Variants in RRBP1 observed in about 807,000 individuals in gnomAD.
RRBP1 encodes ribosome-binding protein 1.
RRBP1 carries 94 observed loss-of-function variants against 165.2 expected under a neutral mutation model. The observed-to-expected ratio is 0.57, with a 90% confidence interval of 0.48 to 0.68. RRBP1 has a LOEUF of 0.68. Among genes scored for constraint, RRBP1 ranks in the 30% least tolerant of loss-of-function variants. RRBP1 has a pLI of 0.00. For synonymous variants in RRBP1, 680 were observed against 714.5 expected, an observed-to-expected ratio of 0.95 and a Z score of 0.77; for missense variants, 1,676 against 1,763.0, an observed-to-expected ratio of 0.95 and a Z score of 0.88.
At chr20:17,661,528 T>C (rs2122458089) in intron 2 of RRBP1, among the ~76,000 whole-genome samples, 1 of 152,344 alleles carries the variant, frequency 6.6e-6, no homozygotes, top group East Asian at 1.9e-4. Flanking sequence ...GCATCCAGGT[T>C]CATACACCTT....
intron 9 of RRBP1, among the ~76,000 whole-genome samples, chr20:17,628,631 C>T (rs1300985879): frequency 4.6e-5 from 7 of 152,232 alleles, no homozygotes; most frequent in African/African-American, 1.7e-4. Context: ...GGCCCTGCCC[C>T]GCCACCAGCC....
chr20:17,658,839 CCT>C lies in RRBP1; in HGVS notation c.1667_1668del (p.Gln556ArgfsTer20), dbSNP rs770631903. The C allele has an allele frequency of 6.2e-7, 1 of 1,613,996 alleles. No individual in the cohort carries two copies. Among genetic ancestry groups the C allele is most frequent in the Non-Finnish European group, 8.5e-7 (1 of 1,179,900 alleles). Reference sequence around the variant, plus strand: ...TTTGTAATACCCTCTACCTTTGTGCCCTGATTAGCAACCGAATCTGCCTTTTT... The same window carrying C: ...TTTGTAATACCCTCTACCTTTGTGCCGATTAGCAACCGAATCTGCCTTTTT... ...QGKKADSVAN[Q>X]GTKVEGITNQ... On this transcript the variant is annotated frameshift_variant, in exon 3 of 25. Transcript: ENST00000377813. LOFTEE classifies it high-confidence loss of function.
chr20:17,625,355 AC>A (rs1231832914), intron 12 of RRBP1, among the ~76,000 whole-genome samples, 156 bp downstream of exon 12: 1 of 151,746 alleles, frequency 6.6e-6, no homozygotes, highest in Non-Finnish European at 1.5e-5. Flanking sequence ...GAGTAGAAGC[AC>A]CCCCCACACC....
chr20:17,627,230 T>C lies in RRBP1; in HGVS notation c.2963+118A>G, dbSNP rs535372263. ...AGGATGGGGGAGGGAAGGGAGCCTCTGAAAGGGGCTCTTCTGCAGAGGACC... is the reference window on the plus strand; with the variant it reads ...AGGATGGGGGAGGGAAGGGAGCCTCCGAAAGGGGCTCTTCTGCAGAGGACC... On this transcript the variant is annotated intron_variant, in intron 11 of 24. Transcript: ENST00000377813. 38 of 997,668 alleles carry C rather than the reference T, an allele frequency of 3.8e-5. No individual in the cohort carries two copies. The African/African-American group carries it at 5.5e-4, about 15-fold the overall frequency. The allele number at this position is 997,668 out of a possible 1,614,324, so 61.8% of individuals were successfully genotyped here.
chr20:17,621,839 C>T lies in RRBP1; in HGVS notation c.3240+16G>A, dbSNP rs1166162391. ...TGAGAACTGTGAGGTCCCCGGGAAC[C>T]ACCCTCCCCTCCTACCTGTTGTGCC... On this transcript the variant is annotated intron_variant, in intron 14 of 24. Coordinates refer to ENST00000377813, the MANE Select transcript of RRBP1 (RefSeq NM_001365613.2). 6.2e-7 allele frequency: 1 copy of T among 1,613,252 alleles called. No individual in the cohort carries two copies. The highest frequency in any genetic ancestry group is 1.7e-5 in the Admixed American group (1 of 60,030).
intron 5 of RRBP1, chr20:17,641,480 A>C: frequency 2.7e-6 from 1 of 377,338 alleles, no homozygotes; most frequent in Non-Finnish European, 4.9e-6. Context: ...GGACCTGTCT[A>C]GTGAAAGCCA....
At chr20:17,630,536 G>A (rs2036128072) in intron 8 of RRBP1, among the ~76,000 whole-genome samples, 1 of 152,160 alleles carries the variant, frequency 6.6e-6, no homozygotes, top group Admixed American at 6.5e-5. Context: ...CCTCACTCAG[G>A]ACAGACAGGC....
intron 16 of RRBP1, among the ~76,000 whole-genome samples, chr20:17,621,180 G>A (rs1265838380): frequency 6.6e-6 from 1 of 152,212 alleles, no homozygotes; most frequent in Non-Finnish European, 1.5e-5. Context: ...CACAAACGGG[G>A]TTCAACCTGG....
At position 17,624,665 on chromosome 20, in the gene RRBP1, G is replaced by A; in HGVS notation, c.3058C>T (p.Leu1020Phe). 3 of 1,575,828 alleles carry A rather than the reference G, an allele frequency of 1.9e-6. No homozygotes were observed. Among genetic ancestry groups the A allele is most frequent in the Non-Finnish European group, 2.6e-6 (3 of 1,160,840 alleles). ...VEQQKVKNNDLREKNWKAMEA... is the reference protein window; with the variant it reads ...VEQQKVKNNDFREKNWKAMEA... ...ATGGCCTTCCAGTTCTTCTCCCGGA[G>A]GTCCTGGAGGGGACACAGGTGAAAG... The change falls in exon 13 of 25, where the codon CTC (leucine) becomes TTC (phenylalanine). Residue 1020 changes from leucine (L) to phenylalanine (F), a missense_variant. This residue lies in a region of RRBP1 where 1,184 missense variants were observed against 1,167.1 expected (regional missense o/e 1.01). Coordinates refer to ENST00000377813, the MANE Select transcript of RRBP1 (RefSeq NM_001365613.2).
chr20:17,624,128 C>G (rs1454502309), intron 13 of RRBP1, among the ~76,000 whole-genome samples: 1 of 152,228 alleles, frequency 6.6e-6, no homozygotes, highest in Non-Finnish European at 1.5e-5. Context: ...CACGGAGAAG[C>G]CCATCAAGGG....
In RRBP1 at chr20:17,643,044, C is replaced by T. The variant is rs1401642343; in HGVS notation, c.1996G>A (p.Glu666Lys). ...AGGATCTCGATGAGCCGCTGGGCCT[C>T]GCCCTCGTTGAACACCATGCTCCCA... ...TVGSMVFNEG[E>K]AQRLIEILSE... is the part of the protein sequence containing the mutation. The change falls in exon 4 of 25, where the codon GAG (glutamate) becomes AAG (lysine). Residue 666 changes from glutamate to lysine, a missense_variant. Around this residue, in one of 5 missense-constraint regions of RRBP1, gnomAD observed 1,184 missense variants for 1,167.1 expected, o/e 1.01. Coordinates refer to ENST00000377813, the MANE Select transcript of RRBP1 (RefSeq NM_001365613.2). The surrounding 1 kb of genome is among the most constrained non-coding windows in gnomAD (Gnocchi z 4.3). 3 of 1,614,120 alleles carry T rather than the reference C, an allele frequency of 1.9e-6. No homozygotes were observed. The highest frequency in any genetic ancestry group is 2.5e-6 in the Non-Finnish European group (3 of 1,180,038).
At chr20:17,661,987 G>A (rs966339290) in intron 2 of RRBP1, among the ~76,000 whole-genome samples, 1 of 152,208 alleles carries the variant, frequency 6.6e-6, no homozygotes, top group Non-Finnish European at 1.5e-5. Flanking sequence ...TCTCGGCCGG[G>A]CGCGGTGGCT....
At position 17,619,748 on chromosome 20, in the gene RRBP1, C is replaced by T. The variant is rs369058289; in HGVS notation, c.3580-20G>A. On this transcript the variant is annotated intron_variant, in intron 18 of 24. Coordinates refer to ENST00000377813, the MANE Select transcript of RRBP1 (RefSeq NM_001365613.2). ...CCTCACCTGGACAGATGCACAGACA[C>T]GCACACGCATGCGCCAGCAGCCTCT... 4.8e-5 allele frequency: 76 copies of T among 1,568,686 alleles called. No homozygotes were observed. The East Asian group carries it at 5.9e-4, about 12-fold the overall frequency.
intron 2 of RRBP1, among the ~76,000 whole-genome samples, chr20:17,678,737 T>G (rs2037126348): frequency 6.6e-6 from 1 of 152,258 alleles, no homozygotes; most frequent in South Asian, 2.1e-4. Context: ...ATTGAATTTT[T>G]AATTTTACTT....
chr20:17,668,407 A>G (rs1423242635), intron 2 of RRBP1, among the ~76,000 whole-genome samples: 5 of 152,112 alleles, frequency 3.3e-5, no homozygotes, highest in Non-Finnish European at 4.4e-5. Context: ...ATTTGATATT[A>G]TATCTTTGTG....
At chr20:17,628,346 G>A (rs561016153) in intron 9 of RRBP1, among the ~76,000 whole-genome samples, 19 of 152,040 alleles carry the variant, frequency 1.2e-4, no homozygotes, top group African/African-American at 2.2e-4. Context: ...TTCCTCCCTC[G>A]CCCACTGCCG....
chr20:17,641,171 C>T, intron 5 of RRBP1, among the ~76,000 whole-genome samples: 1 of 152,194 alleles, frequency 6.6e-6, no homozygotes, highest in African/African-American at 2.4e-5. Flanking sequence ...GGAAGAACAG[C>T]CCCTATGCCA....
rs147086464 is a variant in RRBP1 at position 17,643,084 on chromosome 20, C to A, written c.1956G>T (p.Thr652=). The A allele has an allele frequency of 2.7e-5, 43 of 1,613,974 alleles. No homozygotes were observed. The highest frequency in any genetic ancestry group is 3.6e-5 in the Non-Finnish European group (42 of 1,180,040). The change falls in exon 4 of 25, where the codon ACG becomes ACT. Residue 652 remains threonine, a synonymous_variant. Coordinates refer to ENST00000377813, the MANE Select transcript of RRBP1 (RefSeq NM_001365613.2). The surrounding 1 kb of genome is among the most constrained non-coding windows in gnomAD (Gnocchi z 4.3). ...CCATGCTCCCAACCGTGGAGACCAG[C>A]GTCTTGTAGGGGAGGTAGAGAGGGC... ...ADGPLYLPYK[T]LVSTVGSMVF...
intron 3 of RRBP1, among the ~76,000 whole-genome samples, chr20:17,649,474 A>C (rs146076336): frequency 2.4e-4 from 36 of 152,258 alleles, no homozygotes; most frequent in Non-Finnish European, 4.6e-4. Context: ...CCAGCCTCCT[A>C]AACTGCACAT....
Sources: gnomAD v4.1 joint callset for allele counts (sites outside exome capture counted in the v4.1 genomes callset) on GRCh38, gnomAD v4.1.1 for gene constraint, gnomAD v4.1.1 regional missense constraint, Gnocchi (gnomAD v3.1) non-coding constraint, MANE v1.5 for transcripts, NCBI Gene and HGNC (gene_info 2026-07-23, HGNC 2026-07-21) for gene names.